Variants in SAMD7 observed in about 807,000 individuals in gnomAD.
The protein encoded by SAMD7 is sterile alpha motif domain containing 7, also known as sterile alpha motif domain-containing protein 7.
In SAMD7, 34 loss-of-function variants were observed where a neutral mutation model predicts 36.7. The ratio of observed to expected loss-of-function variants is 0.93; its 90% CI spans 0.71 to 1.23. The LOEUF (loss-of-function observed/expected upper bound fraction) is 1.23, where lower values mean the gene tolerates loss of function less well. Ranked by LOEUF, SAMD7 falls within the 50% of genes most tolerant of loss-of-function variation. SAMD7 has a pLI of 0.00. For synonymous variants in SAMD7, 188 were observed against 189.7 expected (o/e 0.99, Z 0.07); for missense variants, 570 against 546.6 (o/e 1.04, Z -0.43).
At chr3:169,912,004 A>G (rs1712619053) in intron 1 of SAMD7, among the ~76,000 whole-genome samples, 183 bp downstream of exon 1, 1 of 152,244 alleles carries the variant, frequency 6.6e-6, no homozygotes, top group African/African-American at 2.4e-5. Context: ...GACTGAAGTT[A>G]CTAACGAGTA....
At chr3:169,934,667 C>G (rs888502577) in intron 7 of SAMD7, among the ~76,000 whole-genome samples, 1 of 152,152 alleles carries the variant, frequency 6.6e-6, no homozygotes, top group East Asian at 1.9e-4. Flanking sequence ...GCTGCCCAGT[C>G]ACAGCACAAT....
intron 8 of SAMD7, 81 bp from the exon 9 acceptor site, chr3:169,938,237 C>A: frequency 2.3e-6 from 2 of 877,074 alleles, no homozygotes; most frequent in Non-Finnish European, 3.6e-6. Context: ...ATTACCTCAG[C>A]CTCTCTGTGA....
intron 7 of SAMD7, chr3:169,933,160 C>T: frequency 1.3e-6 from 1 of 743,106 alleles, no homozygotes; most frequent in Non-Finnish European, 2.5e-6. Flanking sequence ...GTCCTGGCCA[C>T]CGTGGAGCAG....
intron 2 of SAMD7, among the ~76,000 whole-genome samples, chr3:169,917,310 C>T (rs1053459428): frequency 2.6e-5 from 4 of 152,164 alleles, no homozygotes; most frequent in Admixed American, 2.6e-4. Context: ...CAAATACACA[C>T]AAGGAAATAA....
At chr3:169,928,190 T>C (rs1201668443) in intron 6 of SAMD7, among the ~76,000 whole-genome samples, 4 of 152,202 alleles carry the variant, frequency 2.6e-5, no homozygotes, top group African/African-American at 7.2e-5. Context: ...ATAGAATCCA[T>C]GGGGCATTTC....
chr3:169,915,573 ATTTTTTTTTTTT>A (rs59645657), intron 2 of SAMD7, 132 bp downstream of exon 2: 3 of 59,524 alleles, frequency 5.0e-5, no homozygotes, highest in Admixed American at 3.0e-4. Flanking sequence ...TATATATATA[ATTTTTTTTTTTT>A]TTTTTTTTTT....
intron 4 of SAMD7, among the ~76,000 whole-genome samples, chr3:169,924,673 C>T (rs1331942935): frequency 1.3e-5 from 2 of 152,150 alleles, no homozygotes; most frequent in Non-Finnish European, 2.9e-5. Flanking sequence ...TTGATTTAAG[C>T]ATTCCACAAT....
chr3:169,933,798 A>G (rs1713610878), intron 7 of SAMD7, among the ~76,000 whole-genome samples: 1 of 152,210 alleles, frequency 6.6e-6, no homozygotes, highest in African/African-American at 2.4e-5. Flanking sequence ...CTCATAGTCC[A>G]GAAGAGGGGC....
intron 7 of SAMD7, among the ~76,000 whole-genome samples, chr3:169,931,645 A>G (rs1340613999): frequency 1.3e-5 from 2 of 152,108 alleles, no homozygotes; most frequent in Non-Finnish European, 2.9e-5. Context: ...GCCATTTTCT[A>G]TAATTTGCTT....
Position 169,927,075 on chromosome 3 carries a change from A to G in SAMD7, c.813A>G (p.Lys271=). ...GGGGGTCTCACACCACTACCCTGAAAGCAAAGGCCTGGGACGATGGGAAAG... is the reference window on the plus strand; with the variant it reads ...GGGGGTCTCACACCACTACCCTGAAGGCAAAGGCCTGGGACGATGGGAAAG... The part of the protein sequence containing the change: ...KPWGSHTTTL[K]AKAWDDGKEE... The change falls in exon 6 of 9, where the codon AAA becomes AAG. Residue 271 remains lysine, a synonymous_variant. Coordinates refer to ENST00000335556, the MANE Select transcript of SAMD7 (RefSeq NM_001304366.2). 6.2e-7 allele frequency: 1 copy of G among 1,610,422 alleles called. No homozygotes were observed. Among genetic ancestry groups the G allele is most frequent in the Non-Finnish European group, 8.5e-7 (1 of 1,179,020 alleles).
intron 3 of SAMD7, among the ~76,000 whole-genome samples, chr3:169,920,776 A>G (rs1367848744): frequency 1.3e-5 from 2 of 152,128 alleles, no homozygotes; most frequent in Non-Finnish European, 2.9e-5. Flanking sequence ...GTAAAGTGGA[A>G]CTTCTAGAGA....
chr3:169,918,606 G>C (rs1401894274), intron 2 of SAMD7, among the ~76,000 whole-genome samples: 1 of 152,180 alleles, frequency 6.6e-6, no homozygotes, highest in Non-Finnish European at 1.5e-5. Flanking sequence ...TGAAGGTAAA[G>C]CATATGAATA....
intron 7 of SAMD7, among the ~76,000 whole-genome samples, 167 bp downstream of exon 7, chr3:169,928,745 G>A (rs181244350): frequency 4.3e-4 from 66 of 152,272 alleles, no homozygotes; most frequent in Admixed American, 7.2e-4. Flanking sequence ...GGTGGAACTT[G>A]GGTCATACAC....
intron 4 of SAMD7, among the ~76,000 whole-genome samples, chr3:169,921,674 C>G (rs1317144774): frequency 6.6e-6 from 1 of 152,018 alleles, no homozygotes; most frequent in East Asian, 1.9e-4. Context: ...TACATGGGCC[C>G]GATGGTCATA....
At chr3:169,932,822 C>G (rs1300624940) in intron 7 of SAMD7, 8 of 578,386 alleles carry the variant, frequency 1.4e-5, no homozygotes, top group Non-Finnish European at 2.7e-5. Context: ...CCTGTGCCGC[C>G]TGGACACCAT....
intron 3 of SAMD7, 131 bp from the exon 4 acceptor site, chr3:169,921,082 CT>C: frequency 1.2e-6 from 1 of 804,504 alleles, no homozygotes; most frequent in South Asian, 1.8e-5. Context: ...GACTCCAGGA[CT>C]TTTGTATTTC....
At chr3:169,913,364 C>T (rs1399553200) in intron 1 of SAMD7, among the ~76,000 whole-genome samples, 1 of 152,118 alleles carries the variant, frequency 6.6e-6, no homozygotes, top group African/African-American at 2.4e-5. Flanking sequence ...AAAATTGGCA[C>T]CCGGCTCCTG....
chr3:169,923,120 C>T (rs1713120205), intron 4 of SAMD7, among the ~76,000 whole-genome samples: 1 of 152,192 alleles, frequency 6.6e-6, no homozygotes, highest in South Asian at 2.1e-4. Flanking sequence ...CTTATCCCTG[C>T]TCCACAATTT....
intron 7 of SAMD7, among the ~76,000 whole-genome samples, chr3:169,930,488 C>T (rs1406161447): frequency 6.6e-6 from 1 of 151,928 alleles, no homozygotes. Flanking sequence ...AGCCCTGAAG[C>T]AGCACTGCTT....
Sources: gnomAD v4.1 joint callset for allele counts (sites outside exome capture counted in the v4.1 genomes callset) on GRCh38, gnomAD v4.1.1 for gene constraint, MANE v1.5 for transcripts, NCBI Gene and HGNC (gene_info 2026-07-23, HGNC 2026-07-21) for gene names.